The following DENND4C variants were observed in gnomAD, a reference collection of about 807,000 sequenced individuals.
The protein encoded by DENND4C is DENN domain-containing protein 4C.
A neutral mutation model predicts 203.0 loss-of-function variants in DENND4C; 108 were observed. The ratio of observed to expected loss-of-function variants is 0.53; its 90% confidence interval spans 0.46 to 0.62. The LOEUF (loss-of-function observed/expected upper bound fraction) is 0.62, where lower values mean the gene tolerates loss of function less well. Among genes scored for constraint, DENND4C ranks in the 20% least tolerant of loss-of-function variants. The probability of loss-of-function intolerance (pLI) is 0.00; values close to 1 mark genes in which losing one functional copy is unlikely to be tolerated. For missense variants in DENND4C, 2,481 were observed against 2,301.2 expected (o/e 1.08, Z -1.60); for synonymous variants, 871 against 792.4 (o/e 1.10, Z -1.67).
intron 30 of DENND4C, among the ~76,000 whole-genome samples, chr9:19,368,551 CT>C (rs1828156281): frequency 1.3e-5 from 2 of 152,148 alleles, no homozygotes. Flanking sequence ...CAGGCTAGCA[CT>C]TTTGGAGGCC....
chr9:19,369,983 CA>C lies in DENND4C; in HGVS notation c.5674del (p.Arg1892GlyfsTer12). 1.2e-6 allele frequency: 2 copies of C among 1,612,992 alleles called. No homozygotes were observed. Among genetic ancestry groups the C allele is most frequent in the Non-Finnish European group, 1.7e-6 (2 of 1,179,582 alleles). On this transcript the variant is annotated frameshift_variant, in exon 31 of 33. Coordinates refer to ENST00000434457, the MANE Select transcript of DENND4C (RefSeq NM_001330640.2). LOFTEE classifies it high-confidence loss of function. Reference sequence around the variant, plus strand: ...GCAAATGAAGCCAGGCATGAAAAGACAAAGGTAATAATCCAGTATTTTTTGC... The same window carrying C: ...GCAAATGAAGCCAGGCATGAAAAGACAAGGTAATAATCCAGTATTTTTTGC... ...SQQMKPGMKR[Q>X]RSLYREILFL... is the part of the protein sequence containing the mutation.
chr9:19,313,115 T>C (rs1291649944), intron 10 of DENND4C, among the ~76,000 whole-genome samples: 4 of 152,240 alleles, frequency 2.6e-5, no homozygotes, highest in Non-Finnish European at 5.9e-5. Context: ...CTTACCTAAA[T>C]GTTATATTAT....
intron 5 of DENND4C, among the ~76,000 whole-genome samples, chr9:19,295,794 G>T (rs1454977220): frequency 6.6e-6 from 1 of 151,938 alleles, no homozygotes; most frequent in African/African-American, 2.4e-5. Context: ...AAGATACATA[G>T]TTGAATGTAT....
intron 12 of DENND4C, among the ~76,000 whole-genome samples, chr9:19,323,531 A>T (rs1017221533): frequency 3.3e-5 from 5 of 152,046 alleles, no homozygotes; most frequent in Non-Finnish European, 7.4e-5. Flanking sequence ...AAAGGAGGAG[A>T]CCTTGAATCA....
At chr9:19,371,951 T>A in intron 32 of DENND4C, 86 bp from the exon 33 acceptor site, 1 of 1,394,516 alleles carries the variant, frequency 7.2e-7, no homozygotes, top group South Asian at 1.3e-5. Context: ...TTCAAATACA[T>A]ATAATTTGAC....
At chr9:19,322,798 C>T (rs1407774421) in intron 12 of DENND4C, among the ~76,000 whole-genome samples, 2 of 150,430 alleles carry the variant, frequency 1.3e-5, no homozygotes, top group Non-Finnish European at 2.9e-5. Context: ...TCCCTCTCTG[C>T]TCCCTGCACA....
chr9:19,234,281 A>ATC (rs1821312642), intron 1 of DENND4C, among the ~76,000 whole-genome samples: 1 of 151,584 alleles, frequency 6.6e-6, no homozygotes, highest in Non-Finnish European at 1.5e-5. Context: ...CCCAAGCTGG[A>ATC]GTGCAGTGGC....
chr9:19,314,659 G>T (rs1375290490), intron 10 of DENND4C, among the ~76,000 whole-genome samples: 1 of 151,972 alleles, frequency 6.6e-6, no homozygotes, highest in Non-Finnish European at 1.5e-5. Flanking sequence ...AAAAAAAACT[G>T]CATGTGAACT....
intron 4 of DENND4C, among the ~76,000 whole-genome samples, chr9:19,290,405 A>G (rs1226529718): frequency 6.6e-6 from 1 of 152,204 alleles, no homozygotes; most frequent in Non-Finnish European, 1.5e-5. Flanking sequence ...CATTTTCCAC[A>G]AGGTGTTGGC....
In DENND4C at chr9:19,280,308, A is replaced by G. The variant is rs567562591; in HGVS notation, c.305+3829A>G. Reference sequence around the variant, plus strand: ...ATTACAGGCACCCACCACCACGCCCAGCTAACTTTTGTATTTTTAGTAGAG... The same window carrying G: ...ATTACAGGCACCCACCACCACGCCCGGCTAACTTTTGTATTTTTAGTAGAG... On this transcript the variant is annotated intron_variant, in intron 2 of 32. Coordinates refer to ENST00000434457, the MANE Select transcript of DENND4C (RefSeq NM_001330640.2). 1.6e-3 allele frequency among the ~76,000 whole-genome samples: 244 copies of G among 151,908 alleles called. 6 individuals carry two copies. In the South Asian group the frequency reaches 0.025, roughly 16 times the overall value.
intron 1 of DENND4C, among the ~76,000 whole-genome samples, chr9:19,256,118 T>C (rs767349345): frequency 4.6e-5 from 7 of 151,288 alleles, no homozygotes; most frequent in Non-Finnish European, 7.4e-5. Context: ...TTCTTAGCCA[T>C]AAAACAAGTC....
chr9:19,352,534 AGTTT>A lies in DENND4C; in HGVS notation c.4651_4654del (p.Val1551MetfsTer16). 1 of 1,579,512 alleles carries A rather than the reference AGTTT, an allele frequency of 6.3e-7. No homozygotes were observed. The highest frequency in any genetic ancestry group is 1.2e-5 in the South Asian group (1 of 85,612). ...CACAGTGTAGAGCTTGTGGAGCTTTAGTTTATGATGAAGAAATTATGGCTGGATG... is the reference window on the plus strand; with the variant it reads ...CACAGTGTAGAGCTTGTGGAGCTTTAATGATGAAGAAATTATGGCTGGATG... On this transcript the variant is annotated frameshift_variant, in exon 26 of 33. Coordinates refer to ENST00000434457, the MANE Select transcript of DENND4C (RefSeq NM_001330640.2). LOFTEE classifies it high-confidence loss of function.
At chr9:19,352,049 A>G (rs372642853) in intron 24 of DENND4C, 24 bp from the exon 25 acceptor site, 33 of 1,589,238 alleles carry the variant, frequency 2.1e-5, no homozygotes, top group South Asian at 1.7e-4. Context: ...TACTTAAGGT[A>G]TTACGATGTA....
chr9:19,365,971 A>C (rs1004543821), intron 30 of DENND4C, among the ~76,000 whole-genome samples: 3 of 152,210 alleles, frequency 2.0e-5, no homozygotes, highest in Admixed American at 2.0e-4. Flanking sequence ...GGAAAAGTTA[A>C]TATTATTAAG....
intron 8 of DENND4C, 62 bp from the exon 9 acceptor site, chr9:19,300,125 A>C (rs1838255457): frequency 6.8e-7 from 1 of 1,474,126 alleles, no homozygotes; most frequent in Admixed American, 1.9e-5. Flanking sequence ...TTAATAAGCA[A>C]ATCTTAACAT....
chr9:19,288,376 G>C (rs1375136766), intron 3 of DENND4C, among the ~76,000 whole-genome samples: 1 of 152,166 alleles, frequency 6.6e-6, no homozygotes, highest in African/African-American at 2.4e-5. Context: ...TTTTGAAATG[G>C]CCTTCATATC....
At chr9:19,318,136 T>A (rs966588640) in intron 12 of DENND4C, among the ~76,000 whole-genome samples, 2 of 152,108 alleles carry the variant, frequency 1.3e-5, no homozygotes, top group Non-Finnish European at 2.9e-5. Flanking sequence ...CTGGCCAACA[T>A]GGTGAAACCC....
chr9:19,324,362 G>A lies in DENND4C; in HGVS notation c.1808G>A (p.Gly603Glu). ...TTTAATTATATTTTGTTTTCCTCAG[G>A]ATTTTTAAAAAGTCGAGATCGTGCC... is the stretch of plus-strand genomic sequence containing the variant. ...TAADSLFDRQ[G>E]FLKSRDRAYA... Residue 603 changes from glycine to glutamate, a missense_variant and splice_region_variant, in exon 13 of 33, where the codon GGA (glycine) becomes GAA (glutamate). Physicochemically the swap from Gly to Glu is moderately conservative, Grantham distance 98. Around this residue, in one of 3 missense-constraint regions of DENND4C, gnomAD observed 2,289 missense variants for 2,113.3 expected, o/e 1.08. Coordinates refer to ENST00000434457, the MANE Select transcript of DENND4C (RefSeq NM_001330640.2). 2 of 1,582,300 alleles carry A rather than the reference G, an allele frequency of 1.3e-6. No individual in the cohort carries two copies. The highest frequency in any genetic ancestry group is 1.7e-6 in the Non-Finnish European group (2 of 1,170,384).
chr9:19,294,022 T>C (rs1000759295), intron 5 of DENND4C, among the ~76,000 whole-genome samples: 2 of 152,186 alleles, frequency 1.3e-5, no homozygotes, highest in Non-Finnish European at 2.9e-5. Context: ...ATGAAGTGTT[T>C]AGATGATGAG....
Sources: allele counts gnomAD v4.1 joint callset (sites outside exome capture counted in the v4.1 genomes callset), GRCh38; gene constraint gnomAD v4.1.1; regional missense constraint gnomAD v4.1.1; transcripts MANE v1.5; gene names NCBI Gene and HGNC (gene_info 2026-07-23, HGNC 2026-07-21).